The following GRM1 variants were observed in gnomAD, a reference collection of about 807,000 sequenced individuals.
GRM1 encodes metabotropic glutamate receptor 1.
A neutral mutation model predicts 90.9 loss-of-function variants in GRM1; 33 were observed. The observed-to-expected ratio is 0.36, with a 90% CI of 0.28 to 0.49. The LOEUF (loss-of-function observed/expected upper bound fraction) is 0.49. Among genes scored for constraint, GRM1 ranks in the 20% least tolerant of loss-of-function variants. The pLI, the probability that GRM1 is intolerant of heterozygous loss-of-function variation, is 0.99. For synonymous variants in GRM1, 700 were observed against 613.2 expected (o/e 1.14, Z -2.09); for missense variants, 1,190 against 1,534.3 (o/e 0.78, Z 3.75).
chr6:146,262,368 T>C (rs1233306240), intron 2 of GRM1, among the ~76,000 whole-genome samples: 1 of 152,094 alleles, frequency 6.6e-6, no homozygotes, highest in African/African-American at 2.4e-5. Flanking sequence ...TCACAGCATA[T>C]ACCAAAAGTA....
chr6:146,029,995 A>G lies in GRM1; in HGVS notation c.478A>G (p.Ile160Val), dbSNP rs771634082. 2.5e-6 allele frequency: 4 copies of G among 1,614,064 alleles called. No homozygotes were observed. The highest frequency in any genetic ancestry group is 3.4e-6 in the Non-Finnish European group (4 of 1,179,998). ...GACTAAGAAGCCCATTGCGGGAGTG[A>G]TCGGTCCCGGCTCCAGCTCTGTAGC... ...GRTKKPIAGV[I>V]GPGSSSVAIQ... is the part of the protein sequence containing the mutation. The change falls in exon 1 of 8, where the codon ATC (isoleucine) becomes GTC (valine). Residue 160 changes from isoleucine to valine, a missense_variant. This residue lies in a region of GRM1 where 46 missense variants were observed against 116.1 expected (regional missense o/e 0.40). Transcript: ENST00000282753.
intron 1 of GRM1, among the ~76,000 whole-genome samples, chr6:146,046,563 G>A (rs1406908759): frequency 1.3e-5 from 2 of 151,876 alleles, no homozygotes; most frequent in Admixed American, 6.6e-5. Context: ...GGCTTGAAGG[G>A]TAACCCTCAT....
chr6:146,296,801 G>C (rs979176426), intron 2 of GRM1, among the ~76,000 whole-genome samples: 3 of 152,118 alleles, frequency 2.0e-5, no homozygotes, highest in African/African-American at 4.8e-5. Flanking sequence ...ATAGTCCTTG[G>C]ACTGACTTCA....
At chr6:146,417,300 T>A (rs935226868) in intron 7 of GRM1, among the ~76,000 whole-genome samples, 1 of 152,204 alleles carries the variant, frequency 6.6e-6, no homozygotes, top group Admixed American at 6.5e-5. Flanking sequence ...ATCTGGTTTT[T>A]CTTGTTGTTT....
At chr6:146,189,255 C>A (rs1226283761) in intron 2 of GRM1, among the ~76,000 whole-genome samples, 1 of 152,156 alleles carries the variant, frequency 6.6e-6, no homozygotes, top group African/African-American at 2.4e-5. Flanking sequence ...ATGCAATGGA[C>A]TATTTTTCCT....
At chr6:146,352,940 A>G (rs1785459103) in intron 4 of GRM1, among the ~76,000 whole-genome samples, 1 of 152,224 alleles carries the variant, frequency 6.6e-6, no homozygotes, top group Non-Finnish European at 1.5e-5. Context: ...CAGTATGCAA[A>G]GAGAACTAAG....
intron 7 of GRM1, among the ~76,000 whole-genome samples, chr6:146,429,586 T>G (rs74880083): frequency 0.024 from 3,625 of 152,224 alleles, 61 homozygotes; most frequent in East Asian, 0.071. Flanking sequence ...AGTTGAAATA[T>G]CTGGACAGCT....
chr6:146,402,726 C>T (rs1289682855), intron 7 of GRM1, among the ~76,000 whole-genome samples: 2 of 152,122 alleles, frequency 1.3e-5, no homozygotes, highest in African/African-American at 4.8e-5. Context: ...GCAAGTCCAA[C>T]GGCATTCTCA....
chr6:146,363,336 T>A (rs1775561718), intron 5 of GRM1, among the ~76,000 whole-genome samples: 1 of 152,126 alleles, frequency 6.6e-6, no homozygotes, highest in Admixed American at 6.6e-5. Flanking sequence ...TTAATATCAT[T>A]TCCCTCTTCC....
At chr6:146,290,669 G>C (rs1172392462) in intron 2 of GRM1, among the ~76,000 whole-genome samples, 4 of 152,128 alleles carry the variant, frequency 2.6e-5, no homozygotes, top group African/African-American at 9.6e-5. Flanking sequence ...TCTATATACT[G>C]GTACTCCATG....
At chr6:146,050,578 G>C (rs559864960) in intron 1 of GRM1, among the ~76,000 whole-genome samples, 10 of 152,048 alleles carry the variant, frequency 6.6e-5, no homozygotes, top group Middle Eastern at 3.4e-3. Context: ...TTTTTAAGAG[G>C]GGGGAGGGGA....
chr6:146,389,506 A>G (rs1776639721), intron 6 of GRM1, among the ~76,000 whole-genome samples: 1 of 152,114 alleles, frequency 6.6e-6, no homozygotes, highest in South Asian at 2.1e-4. Context: ...GGATTATTGC[A>G]TATTTTCTGT....
chr6:146,344,892 G>A (rs529111792), intron 3 of GRM1, among the ~76,000 whole-genome samples: 7 of 151,936 alleles, frequency 4.6e-5, no homozygotes, highest in South Asian at 2.1e-4. Context: ...GCTCACCACA[G>A]CCTCCACGTC....
chr6:146,116,487 T>C (rs1338894624), intron 1 of GRM1, among the ~76,000 whole-genome samples: 9 of 152,340 alleles, frequency 5.9e-5, no homozygotes, highest in African/African-American at 1.7e-4. Flanking sequence ...CTCAATATCC[T>C]TCTATATGTG....
At chr6:146,092,067 C>G (rs1776733397) in intron 1 of GRM1, among the ~76,000 whole-genome samples, 1 of 152,042 alleles carries the variant, frequency 6.6e-6, no homozygotes, top group Non-Finnish European at 1.5e-5. Context: ...ATTGTTTTGG[C>G]TGCTATTACA....
chr6:146,396,069 C>CATCTATCTATCTATCTATCTATCT (rs3065122), intron 6 of GRM1, among the ~76,000 whole-genome samples: 22 of 136,226 alleles, frequency 1.6e-4, no homozygotes, highest in East Asian at 6.0e-4. Flanking sequence ...ACCTATCCAT[C>CATCTATCTATCTATCTATCTATCT]ATCTATCTAT....
chr6:146,130,318 C>T (rs573788618), intron 1 of GRM1, among the ~76,000 whole-genome samples: 50 of 129,724 alleles, frequency 3.9e-4, no homozygotes, highest in African/African-American at 1.3e-3. Context: ...AGAATTTTAT[C>T]AGTCAGTACA....
At chr6:146,328,762 G>A (rs1012574996) in intron 3 of GRM1, among the ~76,000 whole-genome samples, 1 of 151,930 alleles carries the variant, frequency 6.6e-6, no homozygotes, top group Non-Finnish European at 1.5e-5. Flanking sequence ...CTTTCCAGTT[G>A]TCAGATCTAT....
chr6:146,408,392 T>C (rs1170126968), intron 7 of GRM1, among the ~76,000 whole-genome samples: 1 of 152,304 alleles, frequency 6.6e-6, no homozygotes, highest in East Asian at 1.9e-4. Flanking sequence ...AACTTCTATG[T>C]GTTTCAGTTA....
Sources: allele counts gnomAD v4.1 joint callset (sites outside exome capture counted in the v4.1 genomes callset), GRCh38; gene constraint gnomAD v4.1.1; regional missense constraint gnomAD v4.1.1; transcripts MANE v1.5; gene names NCBI Gene and HGNC (gene_info 2026-07-23, HGNC 2026-07-21).